The following INO80 variants were observed in gnomAD, a reference collection of about 807,000 sequenced individuals.
INO80 encodes the protein INO80 complex ATPase subunit.
Under a neutral mutation model 203.4 loss-of-function variants are expected in INO80, and 20 were observed. The ratio of observed to expected loss-of-function variants is 0.10; its 90% confidence interval spans 0.07 to 0.14. The LOEUF (loss-of-function observed/expected upper bound fraction) is 0.14, where lower values mean the gene tolerates loss of function less well. Among genes scored for constraint, INO80 ranks in the 10% least tolerant of loss-of-function variants. The probability of loss-of-function intolerance (pLI) is 1.00; values close to 1 mark genes in which losing one functional copy is unlikely to be tolerated. For missense variants in INO80, 1,419 were observed against 1,914.4 expected (o/e 0.74, Z 4.83); for synonymous variants, 726 against 685.2 (o/e 1.06, Z -0.93).
chr15:41,037,613 C>T (rs2140503549), intron 24 of INO80, among the ~76,000 whole-genome samples: 1 of 152,272 alleles, frequency 6.6e-6, no homozygotes, highest in Middle Eastern at 3.4e-3. Flanking sequence ...AATTATACAG[C>T]CTGCCAGTAT....
intron 16 of INO80, among the ~76,000 whole-genome samples, chr15:41,057,797 CAAAAAAAA>C (rs35197370): frequency 3.4e-5 from 1 of 29,338 alleles, no homozygotes; most frequent in South Asian, 1.4e-3. Context: ...AACTACATCT[CAAAAAAAA>C]AAAAAAAAAA....
At chr15:41,073,390 G>C in intron 11 of INO80, 38 bp downstream of exon 11, 7 of 1,547,500 alleles carry the variant, frequency 4.5e-6, no homozygotes, top group Non-Finnish European at 6.3e-6. Context: ...GGTATTTCCA[G>C]GGCCAATTAC....
chr15:41,046,206 C>CATACATATATATATATATATATATAT (rs1268610100), intron 23 of INO80, among the ~76,000 whole-genome samples: 1 of 14,426 alleles, frequency 6.9e-5, no homozygotes, highest in African/African-American at 2.3e-4. Context: ...CGTATACATA[C>CATACATATATATATATATATATATAT]ATATATATAT....
chr15:41,083,930 G>A lies in INO80; in HGVS notation c.873+1439C>T, dbSNP rs1038272329. Among the ~76,000 whole-genome samples the A allele has an allele frequency of 2.6e-4, 40 of 151,896 alleles. 1 individual carries two copies. Among genetic ancestry groups the A allele is most frequent in the African/African-American group, 8.2e-4 (34 of 41,350 alleles). The stretch of plus-strand genomic sequence containing the variant: ...AGTACCATACTTTTTTAACTGTAGA[G>A]GTTTTGTAGCGTGTTCTAACGTTTA... On this transcript the variant is annotated intron_variant, in intron 7 of 35. Coordinates refer to ENST00000648947, the MANE Select transcript of INO80 (RefSeq NM_017553.3).
rs1330677573 is a variant in INO80 at position 41,072,101 on chromosome 15, G to C, written c.1396-43C>G. The C allele has an allele frequency of 2.4e-6, 3 of 1,263,942 alleles. No homozygotes were observed. In the South Asian group the frequency reaches 4.1e-5, roughly 17 times the overall value. 78.3% of individuals were successfully genotyped at this position (1,263,942 alleles called of 1,614,324 possible). ...AAAAAATTAGAAAAAAAAAAAAGAG[G>C]AAAAATATTACATGAAAATAAGACT... is the stretch of plus-strand genomic sequence containing the variant. On this transcript the variant is annotated intron_variant, in intron 11 of 35. Transcript: ENST00000648947.
chr15:41,013,415 A>G (rs1241322330), intron 27 of INO80: 1 of 152,212 alleles, frequency 6.6e-6, no homozygotes, highest in Non-Finnish European at 1.5e-5. Context: ...ATGCTGAAAC[A>G]TGGCTTTAAT....
chr15:40,980,610 C>A (rs977739398), intron 35 of INO80, among the ~76,000 whole-genome samples, 170 bp from the exon 36 acceptor site: 3 of 152,192 alleles, frequency 2.0e-5, no homozygotes, highest in Non-Finnish European at 4.4e-5. Flanking sequence ...TTCCTGTCAA[C>A]TGTCTTTTCA....
chr15:41,028,320 G>A (rs954609696), intron 24 of INO80, among the ~76,000 whole-genome samples: 1 of 152,130 alleles, frequency 6.6e-6, no homozygotes, highest in Non-Finnish European at 1.5e-5. Flanking sequence ...ATTTTTGGTA[G>A]AGACAGGGTT....
At position 40,985,319 on chromosome 15, in the gene INO80, C is replaced by A. The variant is rs765101469; in HGVS notation, c.3921+19G>T. ...CCAGGCCCCATTAGCCCCTATCCACCATTCCAGGCTGGAAATACCTTCTCT... is the reference window on the plus strand; with the variant it reads ...CCAGGCCCCATTAGCCCCTATCCACAATTCCAGGCTGGAAATACCTTCTCT... On this transcript the variant is annotated intron_variant, in intron 32 of 35. Coordinates refer to ENST00000648947, the MANE Select transcript of INO80 (RefSeq NM_017553.3). 6.3e-7 allele frequency: 1 copy of A among 1,596,668 alleles called. No homozygotes were observed. The highest frequency in any genetic ancestry group is 8.6e-7 in the Non-Finnish European group (1 of 1,164,220).
At chr15:41,050,189 C>T (rs956372937) in intron 19 of INO80, 87 bp from the exon 20 acceptor site, 9 of 840,668 alleles carry the variant, frequency 1.1e-5, no homozygotes, top group African/African-American at 1.7e-5. Flanking sequence ...ACACACAAAC[C>T]ATATTATGAT....
intron 1 of INO80, among the ~76,000 whole-genome samples, chr15:41,099,648 G>A (rs929087924): frequency 3.3e-5 from 5 of 151,792 alleles, no homozygotes; most frequent in African/African-American, 1.2e-4. Flanking sequence ...TGAGTGTAGT[G>A]GCATGCACCT....
intron 25 of INO80, among the ~76,000 whole-genome samples, chr15:41,021,605 A>C (rs1414633158): frequency 6.6e-6 from 1 of 152,236 alleles, no homozygotes; most frequent in Non-Finnish European, 1.5e-5. Flanking sequence ...AAAGCTCCCA[A>C]ATTTATCAAC....
intron 16 of INO80, among the ~76,000 whole-genome samples, chr15:41,058,149 T>C (rs945834411): frequency 3.9e-5 from 6 of 152,252 alleles, no homozygotes; most frequent in Non-Finnish European, 8.8e-5. Context: ...TCTAAAATAA[T>C]ACCTTAAAGC....
At chr15:41,093,084 AC>A (rs1249380503) in intron 4 of INO80, among the ~76,000 whole-genome samples, 2 of 152,124 alleles carry the variant, frequency 1.3e-5, no homozygotes, top group Non-Finnish European at 2.9e-5. Flanking sequence ...ATCAATACAG[AC>A]AAAAAGCAGA....
intron 5 of INO80, among the ~76,000 whole-genome samples, chr15:41,089,959 C>T (rs1240680486): frequency 6.6e-6 from 1 of 152,136 alleles, no homozygotes. Flanking sequence ...CCATATGACC[C>T]AGCAATTTCA....
chr15:41,050,989 T>C (rs2044858937), intron 19 of INO80, among the ~76,000 whole-genome samples: 1 of 151,604 alleles, frequency 6.6e-6, no homozygotes, highest in African/African-American at 2.4e-5. Flanking sequence ...ATTAGCAGGG[T>C]GTGGTACCAC....
In INO80 at chr15:41,057,599, C is replaced by T. The variant is rs927322806; in HGVS notation, c.1986-893G>A. Among the ~76,000 whole-genome samples, 3 of 151,924 alleles carry T rather than the reference C, an allele frequency of 2.0e-5. No individual in the cohort carries two copies. The East Asian group carries it at 5.8e-4, about 29-fold the overall frequency. ...ATAACCTGAGGTCAGGAGTTCGAGA[C>T]AAGCCTGGCCACCATGGCAAAACCC... On this transcript the variant is annotated intron_variant, in intron 16 of 35. Transcript: ENST00000648947.
At chr15:41,110,067 C>T (rs2045937099) in intron 1 of INO80, among the ~76,000 whole-genome samples, 1 of 151,424 alleles carries the variant, frequency 6.6e-6, no homozygotes, top group Admixed American at 6.6e-5. Context: ...TGCACACCAA[C>T]CTGGGCAACA....
rs528144481 is a variant in INO80 at position 40,983,357 on chromosome 15, A to G, written c.4238-280T>C. 4.7e-4 allele frequency: 216 copies of G among 457,468 alleles called. 7 individuals carry two copies. The highest frequency in any genetic ancestry group is 4.3e-3 in the Middle Eastern group (7 of 1,618). 28.3% of individuals were successfully genotyped at this position (457,468 alleles called of 1,614,324 possible). A position where few individuals can be genotyped will look rare whatever the true frequency, so the allele number is the denominator to read the frequency against. ...TTTCCTCTTTAAATTTGTCCATTAC[A>G]AAGGGAAGCGACTTGCTACCTGGGA... On this transcript the variant is annotated intron_variant, in intron 34 of 35. Coordinates refer to ENST00000648947, the MANE Select transcript of INO80 (RefSeq NM_017553.3).
Sources: gnomAD v4.1 joint callset for allele counts (sites outside exome capture counted in the v4.1 genomes callset) on GRCh38, gnomAD v4.1.1 for gene constraint, MANE v1.5 for transcripts, NCBI Gene and HGNC (gene_info 2026-07-23, HGNC 2026-07-21) for gene names.